SCFD2: variants seen among roughly 807,000 people sequenced by gnomAD.
SCFD2 encodes sec1 family domain-containing protein 2.
A neutral mutation model predicts 58.9 loss-of-function variants in SCFD2; 54 were observed. The observed-to-expected ratio is 0.92, with a 90% CI of 0.74 to 1.15. SCFD2 has a LOEUF of 1.15. Among genes scored for constraint, SCFD2 ranks in the 50% most tolerant of loss-of-function variants. The probability of loss-of-function intolerance (pLI) is 0.00; values close to 1 mark genes in which losing one functional copy is unlikely to be tolerated. For synonymous variants in SCFD2, 321 were observed against 335.9 expected (o/e 0.96, Z 0.49); for missense variants, 805 against 836.6 (o/e 0.96, Z 0.47).
chr4:53,335,194 C>CAAAAAAAAAAAAAAAAAAAAAA (rs56344451), intron 2 of SCFD2, among the ~76,000 whole-genome samples: 2 of 80,590 alleles, frequency 2.5e-5, no homozygotes, highest in Non-Finnish European at 4.0e-5. Context: ...GACTCCGTCT[C>CAAAAAAAAAAAAAAAAAAAAAA]AAAAAAAAAA....
At chr4:53,251,589 C>T (rs1730383143) in intron 4 of SCFD2, among the ~76,000 whole-genome samples, 1 of 151,946 alleles carries the variant, frequency 6.6e-6, no homozygotes, top group African/African-American at 2.4e-5. Context: ...ATATGAAAAT[C>T]AATAAATGTA....
chr4:52,902,966 C>T (rs919450975), intron 7 of SCFD2, among the ~76,000 whole-genome samples: 18 of 152,162 alleles, frequency 1.2e-4, no homozygotes, highest in African/African-American at 4.3e-4. Context: ...AGACAGCTGT[C>T]TATCATTTAT....
At chr4:52,965,752 C>T (rs1053825124) in intron 5 of SCFD2, among the ~76,000 whole-genome samples, 1 of 151,976 alleles carries the variant, frequency 6.6e-6, no homozygotes, top group African/African-American at 2.4e-5. Context: ...GACTTGGTTT[C>T]ATTTGGCTTG....
chr4:53,338,832 G>A lies in SCFD2; in HGVS notation c.1007+13766C>T, dbSNP rs1051923605. 3.2e-4 allele frequency among the ~76,000 whole-genome samples: 49 copies of A among 151,712 alleles called. 1 individual carries two copies. Among genetic ancestry groups the A allele is most frequent in the Admixed American group, 1.1e-3 (17 of 15,244 alleles). On this transcript the variant is annotated intron_variant, in intron 2 of 8. Coordinates refer to ENST00000401642, the MANE Select transcript of SCFD2 (RefSeq NM_152540.4). ...CCTGACCTCGTGATCCGCCCGCCTC[G>A]GCCTCCCAAAGTGCTGGGATTACAG...
chr4:52,987,115 G>C (rs186640797), intron 5 of SCFD2, among the ~76,000 whole-genome samples: 1 of 152,002 alleles, frequency 6.6e-6, no homozygotes, highest in Non-Finnish European at 1.5e-5. Context: ...CTGCAGCTCC[G>C]CCTCCCAGGT....
intron 5 of SCFD2, among the ~76,000 whole-genome samples, chr4:53,099,849 A>C (rs1480883578): frequency 1.3e-5 from 2 of 152,154 alleles, no homozygotes; most frequent in Non-Finnish European, 2.9e-5. Flanking sequence ...TCAAACATCC[A>C]AACCATAGCA....
chr4:53,206,456 T>C (rs1172824360), intron 4 of SCFD2, among the ~76,000 whole-genome samples: 2 of 152,086 alleles, frequency 1.3e-5, no homozygotes, highest in African/African-American at 4.8e-5. Flanking sequence ...TGCTGTAAGT[T>C]AACCCAAATT....
intron 3 of SCFD2, among the ~76,000 whole-genome samples, chr4:53,298,536 A>T (rs1383967329): frequency 6.6e-6 from 1 of 152,220 alleles, no homozygotes; most frequent in East Asian, 1.9e-4. Flanking sequence ...TCAGACAAAC[A>T]AAAGACAGCA....
At chr4:53,342,690 T>C (rs1733919603) in intron 2 of SCFD2, among the ~76,000 whole-genome samples, 1 of 152,176 alleles carries the variant, frequency 6.6e-6, no homozygotes, top group South Asian at 2.1e-4. Context: ...TATTCCAAAA[T>C]TGACCACAAA....
chr4:53,188,116 A>G (rs547265481), intron 4 of SCFD2, among the ~76,000 whole-genome samples: 57 of 152,280 alleles, frequency 3.7e-4, no homozygotes, highest in African/African-American at 1.3e-3. Flanking sequence ...GTTAAATGGC[A>G]ATAGAAAAAA....
chr4:52,891,591 C>T (rs1384360918), intron 7 of SCFD2, among the ~76,000 whole-genome samples: 2 of 152,258 alleles, frequency 1.3e-5, no homozygotes, highest in Non-Finnish European at 2.9e-5. Flanking sequence ...AACCGTTCTA[C>T]CTTTCATTCC....
intron 5 of SCFD2, among the ~76,000 whole-genome samples, chr4:52,931,990 C>T (rs1720008319): frequency 6.6e-6 from 1 of 152,142 alleles, no homozygotes; most frequent in African/African-American, 2.4e-5. Flanking sequence ...AAGAAGACCA[C>T]CTGGAAGGCT....
chr4:53,258,565 TATATATATATATAC>T (rs1158909065), intron 4 of SCFD2, among the ~76,000 whole-genome samples: 353 of 78,076 alleles, frequency 4.5e-3, no homozygotes, highest in African/African-American at 0.013. Context: ...TATATATATA[TATATATATATATAC>T]ACACACATAT....
intron 4 of SCFD2, among the ~76,000 whole-genome samples, chr4:53,260,201 A>C (rs1730788118): frequency 6.6e-6 from 1 of 152,098 alleles, no homozygotes; most frequent in Non-Finnish European, 1.5e-5. Context: ...TCCTCTTTAC[A>C]GATTTGGATG....
chr4:52,938,273 T>C (rs910058373), intron 5 of SCFD2, among the ~76,000 whole-genome samples: 3 of 152,058 alleles, frequency 2.0e-5, no homozygotes, highest in African/African-American at 7.2e-5. Flanking sequence ...AACAGAGAGG[T>C]TGAGTAACTT....
chr4:53,284,834 C>T (rs1467768185), intron 3 of SCFD2, among the ~76,000 whole-genome samples: 2 of 152,146 alleles, frequency 1.3e-5, no homozygotes, highest in African/African-American at 4.8e-5. Flanking sequence ...ATATATACAG[C>T]CAACCATATA....
intron 7 of SCFD2, among the ~76,000 whole-genome samples, chr4:52,892,339 AGTCTGCTCTTGTTTCT>A (rs1718897715): frequency 1.3e-5 from 2 of 152,102 alleles, no homozygotes; most frequent in Admixed American, 1.3e-4. Context: ...TCCCCAAGCC[AGTCTGCTCTTGTTTCT>A]GTCTTGTGCA....
At position 52,896,850 on chromosome 4, in the gene SCFD2, G is replaced by A. The variant is rs371817758; in HGVS notation, c.1842+10607C>T. Among the ~76,000 whole-genome samples the A allele has an allele frequency of 2.6e-5, 4 of 152,310 alleles. No homozygotes were observed. The South Asian group carries it at 6.2e-4, about 24-fold the overall frequency. ...CTTTTATTTCACTGAGCAGTGGTTTGTAGTTCTCCTTGAAGAGGTCCTAAA... is the reference window on the plus strand; with the variant it reads ...CTTTTATTTCACTGAGCAGTGGTTTATAGTTCTCCTTGAAGAGGTCCTAAA... On this transcript the variant is annotated intron_variant, in intron 7 of 8. Transcript: ENST00000401642.
intron 5 of SCFD2, among the ~76,000 whole-genome samples, chr4:52,942,983 T>C (rs935605658): frequency 4.7e-5 from 7 of 150,260 alleles, no homozygotes; most frequent in Non-Finnish European, 8.9e-5. Context: ...GGGAATTTGG[T>C]ACTATCTGAA....
Sources: allele counts gnomAD v4.1 joint callset (sites outside exome capture counted in the v4.1 genomes callset), GRCh38; gene constraint gnomAD v4.1.1; transcripts MANE v1.5; gene names NCBI Gene and HGNC (gene_info 2026-07-23, HGNC 2026-07-21).